FIG4: variants seen among roughly 807,000 people sequenced by gnomAD.
FIG4 encodes polyphosphoinositide phosphatase.
FIG4 carries 112 observed loss-of-function variants against 118.6 expected under a neutral mutation model. That is an observed-to-expected ratio of 0.94 (90% CI 0.81 to 1.11). The LOEUF (loss-of-function observed/expected upper bound fraction) is 1.11. FIG4 is among the 50% of genes least tolerant of loss of function. The probability of loss-of-function intolerance (pLI) is 0.00; values close to 1 mark genes in which losing one functional copy is unlikely to be tolerated. For synonymous variants in FIG4, 369 were observed against 381.2 expected (o/e 0.97, Z 0.37); for missense variants, 969 against 1,111.7 (o/e 0.87, Z 1.83).
intron 1 of FIG4, among the ~76,000 whole-genome samples, chr6:109,706,841 A>C (rs550628313): frequency 6.6e-6 from 1 of 152,234 alleles, no homozygotes; most frequent in South Asian, 2.1e-4. Flanking sequence ...GTCCTCAAGA[A>C]GGGCTCCCTT....
intron 3 of FIG4, among the ~76,000 whole-genome samples, chr6:109,718,945 G>A (rs1479056039): frequency 7.0e-6 from 1 of 143,710 alleles, no homozygotes; most frequent in Non-Finnish European, 1.5e-5. Context: ...TTGAGACAGA[G>A]CCTTGCTGTG....
intron 3 of FIG4, among the ~76,000 whole-genome samples, chr6:109,726,419 GTGTTATTTC>G (rs1425912454): frequency 6.6e-6 from 1 of 152,086 alleles, no homozygotes; most frequent in Non-Finnish European, 1.5e-5. Context: ...TAGATGTGTG[GTGTTATTTC>G]TGAGGCCTCT....
At chr6:109,786,482 T>A (rs1299556902) in intron 18 of FIG4, 33 bp downstream of exon 18, 5 of 1,610,572 alleles carry the variant, frequency 3.1e-6, no homozygotes, top group South Asian at 2.2e-5. Context: ...CCATAAGTAT[T>A]TGAGAACTGT....
chr6:109,745,236 G>A (rs1448848197), intron 10 of FIG4, among the ~76,000 whole-genome samples: 1 of 152,114 alleles, frequency 6.6e-6, no homozygotes, highest in Non-Finnish European at 1.5e-5. Context: ...CACAATGGTT[G>A]AACTAATTTA....
chr6:109,710,711 G>A (rs1442864642), intron 1 of FIG4, among the ~76,000 whole-genome samples: 1 of 152,100 alleles, frequency 6.6e-6, no homozygotes, highest in Non-Finnish European at 1.5e-5. Flanking sequence ...TCATGGGACG[G>A]TGTATATGTC....
At chr6:109,773,195 A>G (rs1777517795) in intron 15 of FIG4, among the ~76,000 whole-genome samples, 1 of 152,190 alleles carries the variant, frequency 6.6e-6, no homozygotes, top group African/African-American at 2.4e-5. Context: ...TTCAGCCTCT[A>G]AAGGATTAAT....
chr6:109,765,188 T>A, intron 14 of FIG4, 27 bp downstream of exon 14: 1 of 1,606,518 alleles, frequency 6.2e-7, no homozygotes, highest in Non-Finnish European at 8.5e-7. Context: ...GCTATTTGAA[T>A]GCTGATAATG....
chr6:109,729,793 T>G (rs919899834), intron 4 of FIG4, among the ~76,000 whole-genome samples: 37 of 146,506 alleles, frequency 2.5e-4, no homozygotes, highest in Non-Finnish European at 5.3e-4. Flanking sequence ...AAAAAAAGAT[T>G]AAAAGAAGAA....
chr6:109,819,226 T>C (rs1439265914), intron 22 of FIG4, among the ~76,000 whole-genome samples: 1 of 152,118 alleles, frequency 6.6e-6, no homozygotes, highest in Non-Finnish European at 1.5e-5. Context: ...AGGAGGAGTA[T>C]GGGAAACATA....
intron 18 of FIG4, among the ~76,000 whole-genome samples, chr6:109,788,135 A>G (rs1778036869): frequency 6.6e-6 from 1 of 152,214 alleles, no homozygotes. Flanking sequence ...TATGATGTAC[A>G]GTAGGTTAGG....
intron 1 of FIG4, among the ~76,000 whole-genome samples, chr6:109,702,118 C>T (rs1774927062): frequency 1.3e-5 from 2 of 152,154 alleles, no homozygotes; most frequent in African/African-American, 4.8e-5. Flanking sequence ...TACATTTAAT[C>T]TGAAAGTTCA....
Position 109,698,519 on chromosome 6 carries a change from C to A in FIG4, c.66+7018C>A, listed in dbSNP as rs572848589. 5.3e-5 allele frequency among the ~76,000 whole-genome samples: 8 copies of A among 152,320 alleles called. No homozygotes were observed. The South Asian group carries it at 1.7e-3, about 32-fold the overall frequency. On this transcript the variant is annotated intron_variant, in intron 1 of 22. Coordinates refer to ENST00000230124, the MANE Select transcript of FIG4 (RefSeq NM_014845.6). ...TCTTTCTCTTGACCTATGGCCCTGGCCAGGACCTCTAGTACAAAGTTGAAT... is the reference window on the plus strand; with the variant it reads ...TCTTTCTCTTGACCTATGGCCCTGGACAGGACCTCTAGTACAAAGTTGAAT...
intron 22 of FIG4, among the ~76,000 whole-genome samples, chr6:109,801,448 T>C (rs1778424744): frequency 6.6e-6 from 1 of 152,174 alleles, no homozygotes; most frequent in African/African-American, 2.4e-5. Flanking sequence ...CTCGGGAGGC[T>C]GAGGCTGGAG....
intron 22 of FIG4, 118 bp from the exon 23 acceptor site, chr6:109,824,970 G>A (rs576580839): frequency 1.1e-6 from 1 of 946,212 alleles, no homozygotes; most frequent in African/African-American, 1.6e-5. Context: ...CCAGCAGCTT[G>A]TCAAAAGTCA....
At chr6:109,767,235 G>T (rs988639898) in intron 15 of FIG4, among the ~76,000 whole-genome samples, 1 of 151,988 alleles carries the variant, frequency 6.6e-6, no homozygotes, top group Non-Finnish European at 1.5e-5. Flanking sequence ...TTTAAATAGG[G>T]TTCAAAGTCT....
chr6:109,693,738 G>C (rs534087785), intron 1 of FIG4, among the ~76,000 whole-genome samples: 2 of 152,234 alleles, frequency 1.3e-5, no homozygotes, highest in East Asian at 1.9e-4. Flanking sequence ...GGCCAGGGGG[G>C]GTCTGGCAGG....
At position 109,765,097 on chromosome 6, in the gene FIG4, T is replaced by C; in HGVS notation, c.1519T>C (p.Tyr507His). The change falls in exon 14 of 23, where the codon TAT becomes CAT. Residue 507 changes from tyrosine (Y) to histidine (H), a missense_variant. Around this residue, in one of 3 missense-constraint regions of FIG4, gnomAD observed 246 missense variants for 354.3 expected, o/e 0.69. Transcript: ENST00000230124. The part of the protein sequence containing the change: ...QFMVGKCALA[Y>H]QLYSLGLIDK... ...TATGGTGGGAAAATGTGCTCTGGCC[T>C]ATCAGCTGTATTCACTGGGACTGAT... is the stretch of plus-strand genomic sequence containing the variant. 1 of 1,613,914 alleles carries C rather than the reference T, an allele frequency of 6.2e-7. No individual in the cohort carries two copies. Among genetic ancestry groups the C allele is most frequent in the Non-Finnish European group, 8.5e-7 (1 of 1,179,772 alleles).
intron 22 of FIG4, among the ~76,000 whole-genome samples, chr6:109,810,151 C>G (rs772181634): frequency 6.6e-6 from 1 of 152,196 alleles, no homozygotes; most frequent in Non-Finnish European, 1.5e-5. Flanking sequence ...AAGTATGTTA[C>G]TGCCAGGCTA....
chr6:109,754,162 T>G (rs1208374288), intron 10 of FIG4, among the ~76,000 whole-genome samples: 1 of 152,192 alleles, frequency 6.6e-6, no homozygotes, highest in Non-Finnish European at 1.5e-5. Flanking sequence ...GTTGTTGAAT[T>G]TTCTCAAAGG....
Sources: gnomAD v4.1 joint callset for allele counts (sites outside exome capture counted in the v4.1 genomes callset) on GRCh38, gnomAD v4.1.1 for gene constraint, gnomAD v4.1.1 regional missense constraint, MANE v1.5 for transcripts, NCBI Gene and HGNC (gene_info 2026-07-23, HGNC 2026-07-21) for gene names.